The following DDX10 variants were observed in gnomAD, a reference collection of about 807,000 sequenced individuals.
DDX10 encodes DEAD-box helicase 10.
In DDX10, 74 loss-of-function variants were observed where a neutral mutation model predicts 104.3. The ratio of observed to expected loss-of-function variants is 0.71; its 90% CI spans 0.59 to 0.86. The LOEUF (loss-of-function observed/expected upper bound fraction) is 0.86. Ranked by LOEUF, DDX10 falls within the 40% of genes least tolerant of loss-of-function variation. DDX10 has a pLI of 0.00. For synonymous variants in DDX10, 351 were observed against 353.4 expected, an observed-to-expected ratio of 0.99 and a Z score of 0.08; for missense variants, 952 against 1,040.0, an observed-to-expected ratio of 0.92 and a Z score of 1.16.
chr11:108,812,625 A>G (rs1862198766), intron 13 of DDX10, among the ~76,000 whole-genome samples: 1 of 152,160 alleles, frequency 6.6e-6, no homozygotes, highest in Non-Finnish European at 1.5e-5. Flanking sequence ...TTGATTGATT[A>G]TAGCATGTGC....
At chr11:108,752,361 A>G (rs1565267810) in intron 13 of DDX10, among the ~76,000 whole-genome samples, 2 of 152,052 alleles carry the variant, frequency 1.3e-5, no homozygotes. Flanking sequence ...TTGGGTTGCT[A>G]CTTTCATTTT....
At chr11:108,830,655 C>T (rs989032670) in intron 13 of DDX10, among the ~76,000 whole-genome samples, 2 of 152,060 alleles carry the variant, frequency 1.3e-5, no homozygotes, top group African/African-American at 4.8e-5. Context: ...TTTCAACTTT[C>T]TATGTTTAGT....
chr11:108,697,019 G>A (rs973811521), intron 9 of DDX10, among the ~76,000 whole-genome samples: 2 of 152,254 alleles, frequency 1.3e-5, no homozygotes, highest in African/African-American at 4.8e-5. Flanking sequence ...AATGACTGAG[G>A]AGATGAAGAG....
chr11:108,913,512 G>T (rs2134660389), intron 16 of DDX10, among the ~76,000 whole-genome samples: 1 of 152,084 alleles, frequency 6.6e-6, no homozygotes, highest in Non-Finnish European at 1.5e-5. Flanking sequence ...TCTGTCCTTT[G>T]TCCACAAGGA....
intron 13 of DDX10, among the ~76,000 whole-genome samples, chr11:108,810,729 A>G (rs185613779): frequency 7.2e-4 from 109 of 152,324 alleles, no homozygotes; most frequent in Non-Finnish European, 1.2e-3. Flanking sequence ...AAACACACAC[A>G]CAACTAGAAA....
chr11:108,766,921 T>A (rs2094357044), intron 13 of DDX10, among the ~76,000 whole-genome samples: 1 of 152,210 alleles, frequency 6.6e-6, no homozygotes, highest in African/African-American at 2.4e-5. Flanking sequence ...GCTTTCAGGT[T>A]GGCTTTAAAA....
At chr11:108,730,450 G>A (rs1287150869) in intron 13 of DDX10, among the ~76,000 whole-genome samples, 1 of 152,190 alleles carries the variant, frequency 6.6e-6, no homozygotes, top group Non-Finnish European at 1.5e-5. Flanking sequence ...ACTGATCAGT[G>A]TGTTTTCAGG....
intron 13 of DDX10, among the ~76,000 whole-genome samples, chr11:108,765,365 A>G (rs117666494): frequency 0.014 from 2,116 of 152,336 alleles, 26 homozygotes; most frequent in Admixed American, 0.023. Context: ...AAGAAAAAGC[A>G]TTAAACTTAA....
At chr11:108,771,160 A>G (rs1476780946) in intron 13 of DDX10, among the ~76,000 whole-genome samples, 1 of 152,158 alleles carries the variant, frequency 6.6e-6, no homozygotes, top group Non-Finnish European at 1.5e-5. Flanking sequence ...CTTTTGAGAA[A>G]TATCTATTCA....
chr11:108,735,668 T>C (rs2094317471), intron 13 of DDX10, among the ~76,000 whole-genome samples: 1 of 151,978 alleles, frequency 6.6e-6, no homozygotes, highest in Admixed American at 6.6e-5. Context: ...CCATGATGGC[T>C]ACTTCACTGC....
At chr11:108,864,363 A>T (rs1471241467) in intron 16 of DDX10, among the ~76,000 whole-genome samples, 2 of 152,046 alleles carry the variant, frequency 1.3e-5, no homozygotes, top group East Asian at 3.8e-4. Flanking sequence ...TATAATTATG[A>T]TACTACTACT....
intron 6 of DDX10, among the ~76,000 whole-genome samples, chr11:108,685,164 T>C (rs573512734): frequency 6.6e-5 from 10 of 152,116 alleles, no homozygotes; most frequent in Admixed American, 5.9e-4. Context: ...CTGTTCACTC[T>C]GATGGTAGCA....
At chr11:108,714,508 T>C (rs2094288782) in intron 10 of DDX10, among the ~76,000 whole-genome samples, 1 of 149,842 alleles carries the variant, frequency 6.7e-6, no homozygotes, top group South Asian at 2.1e-4. Context: ...CATAGGGAAC[T>C]GGATATCAGA....
chr11:108,749,899 C>T (rs2094336348), intron 13 of DDX10, among the ~76,000 whole-genome samples: 1 of 152,082 alleles, frequency 6.6e-6, no homozygotes, highest in African/African-American at 2.4e-5. Flanking sequence ...TTTTTTGGCA[C>T]TTCTAGTATG....
At chr11:108,679,018 C>G (rs2094230577) in intron 5 of DDX10, among the ~76,000 whole-genome samples, 2 of 151,796 alleles carry the variant, frequency 1.3e-5, no homozygotes, top group Non-Finnish European at 2.9e-5. Flanking sequence ...ACCACCACGC[C>G]CAGCTAATTT....
intron 13 of DDX10, among the ~76,000 whole-genome samples, chr11:108,753,641 A>G (rs556308598): frequency 6.6e-6 from 1 of 152,200 alleles, no homozygotes; most frequent in East Asian, 1.9e-4. Flanking sequence ...GTAAGCATTT[A>G]CGACATACAG....
intron 13 of DDX10, among the ~76,000 whole-genome samples, chr11:108,774,793 C>T (rs1016521502): frequency 1.3e-5 from 2 of 152,124 alleles, no homozygotes; most frequent in African/African-American, 2.4e-5. Flanking sequence ...TACCGTTCTC[C>T]GGTATGCTTT....
At chr11:108,677,852 T>C (rs963497724) in intron 4 of DDX10, among the ~76,000 whole-genome samples, 5 of 151,938 alleles carry the variant, frequency 3.3e-5, no homozygotes, top group Non-Finnish European at 7.4e-5. Context: ...CATTCTGTTT[T>C]TTCCCACCGC....
chr11:108,918,698 A>T (rs1035838007), intron 17 of DDX10: 2 of 152,184 alleles, frequency 1.3e-5, no homozygotes, highest in Non-Finnish European at 2.9e-5. Flanking sequence ...AAATTCCTTC[A>T]CTTTAAAGTC....
Sources: gnomAD v4.1 joint callset for allele counts (sites outside exome capture counted in the v4.1 genomes callset) on GRCh38, gnomAD v4.1.1 for gene constraint, MANE v1.5 for transcripts, NCBI Gene and HGNC (gene_info 2026-07-23, HGNC 2026-07-21) for gene names.